AKR1C1: variants seen among roughly 807,000 people sequenced by gnomAD.
AKR1C1 encodes 20 alpha-hydroxysteroid dehydrogenase.
A neutral mutation model predicts 40.6 loss-of-function variants in AKR1C1; 32 were observed. The observed-to-expected ratio is 0.79, with a 90% CI of 0.60 to 1.06. The LOEUF (loss-of-function observed/expected upper bound fraction) is 1.06, where lower values mean the gene tolerates loss of function less well. AKR1C1 is among the 50% of genes least tolerant of loss of function. The pLI, the probability that AKR1C1 is intolerant of heterozygous loss-of-function variation, is 0.00. For missense variants in AKR1C1, 320 were observed against 363.5 expected (o/e 0.88, Z 0.97); for synonymous variants, 105 against 134.2 (o/e 0.78, Z 1.50).
At chr10:4,977,199 AAAC>A (rs1348533780) in intron 8 of AKR1C1, among the ~76,000 whole-genome samples, 1 of 152,260 alleles carries the variant, frequency 6.6e-6, no homozygotes, top group Non-Finnish European at 1.5e-5. Flanking sequence ...CCTATATCAA[AAAC>A]AACAATTTAC....
rs1836609796 is a variant in AKR1C1 at position 4,981,220 on chromosome 10, T to C, written c.*3478T>C. 1 of 152,244 alleles carries C rather than the reference T, an allele frequency of 6.6e-6. No individual in the cohort carries two copies. Among genetic ancestry groups the C allele is most frequent in the African/African-American group, 2.4e-5 (1 of 41,470 alleles). 9.4% of individuals were successfully genotyped at this position (152,244 alleles called of 1,614,324 possible). A position where few individuals can be genotyped will look rare whatever the true frequency, so the allele number is the denominator to read the frequency against. On this transcript the variant is annotated 3_prime_UTR_variant, in exon 9 of 9. Transcript: ENST00000380872. ...TATCTAGGCTTTCTTGCTTTATTTA[T>C]AGAACACTTACAGAGTAGATATAGA... is the stretch of plus-strand genomic sequence containing the variant.
rs1280574290 is a variant in AKR1C1 at position 4,983,249 on chromosome 10, T to C, written c.*5507T>C. 1 of 176,282 alleles carries C rather than the reference T, an allele frequency of 5.7e-6. No homozygotes were observed. Among genetic ancestry groups the C allele is most frequent in the Admixed American group, 6.3e-5 (1 of 15,850 alleles). The allele number at this position is 176,282 out of a possible 1,614,324, so 10.9% of individuals were successfully genotyped here. A position where few individuals can be genotyped will look rare whatever the true frequency, so the allele number is the denominator to read the frequency against. On this transcript the variant is annotated 3_prime_UTR_variant, in exon 9 of 9. Transcript: ENST00000380872. Reference sequence around the variant, plus strand: ...GGAGCCCAGGCCAATTTTCTAAACATGGAATATGAGTTAAATAAATGGCTT... The same window carrying C: ...GGAGCCCAGGCCAATTTTCTAAACACGGAATATGAGTTAAATAAATGGCTT...
At position 4,983,167 on chromosome 10, in the gene AKR1C1, G is replaced by A. The variant is rs1307512527; in HGVS notation, c.*5425G>A. On this transcript the variant is annotated 3_prime_UTR_variant, in exon 9 of 9. Transcript: ENST00000380872. The stretch of plus-strand genomic sequence containing the variant: ...CATCCTGAAGCAGAGCTGCCTCACT[G>A]CCCTGCACACACATGAGAGCGCAGC... The A allele has an allele frequency of 8.7e-6, 2 of 230,974 alleles. No individual in the cohort carries two copies. The highest frequency in any genetic ancestry group is 4.7e-5 in the African/African-American group (2 of 42,808). The allele number at this position is 230,974 out of a possible 1,614,324, so 14.3% of individuals were successfully genotyped here. A position where few individuals can be genotyped will look rare whatever the true frequency, so the allele number is the denominator to read the frequency against.
chr10:4,972,133 C>T (rs1429688546), intron 5 of AKR1C1, 68 bp from the exon 6 acceptor site: 5 of 1,599,876 alleles, frequency 3.1e-6, no homozygotes, highest in South Asian at 2.2e-5. Flanking sequence ...GCTTCTTTTA[C>T]TTTGGTGATT....
intron 2 of AKR1C1, among the ~76,000 whole-genome samples, chr10:4,966,301 T>C (rs1476552105): frequency 2.0e-5 from 3 of 152,234 alleles, no homozygotes; most frequent in Non-Finnish European, 2.9e-5. Context: ...TGCCTTTACT[T>C]TTTGAGCTCA....
At chr10:4,969,736 A>T (rs932563878) in intron 5 of AKR1C1, 1 of 1,611,782 alleles carries the variant, frequency 6.2e-7, no homozygotes, top group Non-Finnish European at 8.5e-7. Flanking sequence ...TCCTTGATCA[A>T]ATTGACTGTC....
chr10:4,972,139 T>A, intron 5 of AKR1C1, 62 bp from the exon 6 acceptor site: 1 of 1,605,492 alleles, frequency 6.2e-7, no homozygotes, highest in Non-Finnish European at 8.5e-7. Flanking sequence ...TTTACTTTGG[T>A]GATTTTAATA....
Position 4,981,828 on chromosome 10 carries a change from C to G in AKR1C1, c.*4086C>G, listed in dbSNP as rs1836620875. The G allele has an allele frequency of 6.6e-6, 1 of 152,244 alleles. No homozygotes were observed. The highest frequency in any genetic ancestry group is 1.5e-5 in the Non-Finnish European group (1 of 68,096). 9.4% of individuals were successfully genotyped at this position (152,244 alleles called of 1,614,324 possible). On this transcript the variant is annotated 3_prime_UTR_variant, in exon 9 of 9. Coordinates refer to ENST00000380872, the MANE Select transcript of AKR1C1 (RefSeq NM_001353.6). Reference sequence around the variant, plus strand: ...AGATATGAGCACAGAAGCTGGGTGTCCAGCCTTGTGGGCAGACCGGGAGGG... The same window carrying G: ...AGATATGAGCACAGAAGCTGGGTGTGCAGCCTTGTGGGCAGACCGGGAGGG...
chr10:4,976,646 C>T (rs1554770478), intron 8 of AKR1C1, among the ~76,000 whole-genome samples: 1 of 152,014 alleles, frequency 6.6e-6, no homozygotes, highest in East Asian at 1.9e-4. Context: ...TAATTTATAA[C>T]CAATAACAGA....
At chr10:4,964,498 T>C (rs555641423) in intron 1 of AKR1C1, among the ~76,000 whole-genome samples, 1 of 152,340 alleles carries the variant, frequency 6.6e-6, no homozygotes, top group South Asian at 2.1e-4. Flanking sequence ...AGGAGAGGGC[T>C]GTGAGACCCA....
chr10:4,977,425 G>C (rs570207191), intron 8 of AKR1C1, among the ~76,000 whole-genome samples: 4 of 152,082 alleles, frequency 2.6e-5, no homozygotes, highest in South Asian at 2.1e-4. Flanking sequence ...TCTTTGCTCT[G>C]TTGACAGATG....
In AKR1C1 at chr10:4,967,687, A is replaced by T. The variant is rs2023630; in HGVS notation, c.370-622A>T. 6 of 584,916 alleles carry T rather than the reference A, an allele frequency of 1.0e-5. No homozygotes were observed. The African/African-American group carries it at 1.2e-4, about 12-fold the overall frequency. The allele number at this position is 584,916 out of a possible 1,614,324, so 36.2% of individuals were successfully genotyped here. On this transcript the variant is annotated intron_variant, in intron 3 of 8. Coordinates refer to ENST00000380872, the MANE Select transcript of AKR1C1 (RefSeq NM_001353.6). ...GGGCTACATTAAGAATTTGATAAAAACTCTAAAAATATATCCTTTCTCCAC... is the reference window on the plus strand; with the variant it reads ...GGGCTACATTAAGAATTTGATAAAATCTCTAAAAATATATCCTTTCTCCAC...
chr10:4,970,861 G>A (rs1352055266), intron 5 of AKR1C1, among the ~76,000 whole-genome samples: 4 of 151,502 alleles, frequency 2.6e-5, no homozygotes, highest in Non-Finnish European at 5.9e-5. Context: ...CCTAATGCTA[G>A]ATGACGAGTT....
rs549652395 is a variant in AKR1C1, at chr10:4,968,997, C to A, written c.570+53C>A. The A allele has an allele frequency of 3.1e-6, 5 of 1,613,042 alleles. No homozygotes were observed. In the South Asian group the frequency reaches 5.5e-5, roughly 18 times the overall value. ...CTGTTCTTCATGCCCCTCTTTCTGT[C>A]CTATTGCCAAGTATCCATTCATTTA... On this transcript the variant is annotated intron_variant, in intron 5 of 8. Coordinates refer to ENST00000380872, the MANE Select transcript of AKR1C1 (RefSeq NM_001353.6).
rs1422582875 is a variant in AKR1C1, at chr10:4,968,864, G to A, written c.490G>A (p.Gly164Arg). ...AGATGCAGGATTGGCCAAGTCCATC[G>A]GGGTGTCCAACTTCAACCGCAGGCA... ...CKDAGLAKSI[G>R]VSNFNRRQLE... Residue 164 changes from glycine to arginine, a missense_variant, in exon 5 of 9, where the codon GGG (glycine) becomes AGG (arginine). Physicochemically the swap from Gly to Arg is moderately radical, Grantham distance 125. Coordinates refer to ENST00000380872, the MANE Select transcript of AKR1C1 (RefSeq NM_001353.6). 7.4e-6 allele frequency: 12 copies of A among 1,614,122 alleles called. No homozygotes were observed. The highest frequency in any genetic ancestry group is 1.1e-5 in the South Asian group (1 of 91,070).
At chr10:4,971,525 A>ATT (rs1564316816) in intron 5 of AKR1C1, among the ~76,000 whole-genome samples, 1 of 52,938 alleles carries the variant, frequency 1.9e-5, no homozygotes, top group African/African-American at 9.9e-5. Context: ...ATATATATAA[A>ATT]ATATATATGA....
In AKR1C1 at chr10:4,979,304, A is replaced by T. The variant is rs1836578483; in HGVS notation, c.*1562A>T. 6.6e-6 allele frequency: 1 copy of T among 152,074 alleles called. No individual in the cohort carries two copies. Among genetic ancestry groups the T allele is most frequent in the African/African-American group, 2.4e-5 (1 of 41,400 alleles). The allele number at this position is 152,074 out of a possible 1,614,324, so 9.4% of individuals were successfully genotyped here. ...TTAAATATCACTTCTAGGCTGAAAA[A>T]TCCCCCTAAAAATATTTCTAGCTCA... On this transcript the variant is annotated 3_prime_UTR_variant, in exon 9 of 9. Coordinates refer to ENST00000380872, the MANE Select transcript of AKR1C1 (RefSeq NM_001353.6).
At chr10:4,967,438 C>T in intron 3 of AKR1C1, 1 of 1,002,132 alleles carries the variant, frequency 1.0e-6, no homozygotes, top group Non-Finnish European at 1.2e-6. Context: ...ATCTTCTTGC[C>T]TCTTTTTAAG....
At position 4,966,932 on chromosome 10, in the gene AKR1C1, G is replaced by A. The variant is rs143557246; in HGVS notation, c.258G>A (p.Trp86Ter). 2.0e-5 allele frequency: 32 copies of A among 1,612,488 alleles called. No homozygotes were observed. Among genetic ancestry groups the A allele is most frequent in the Non-Finnish European group, 2.5e-5 (30 of 1,179,386 alleles). Reference protein sequence around the residue: ...REDIFYTSKLWCNSHRPELVR... With the variant: ...REDIFYTSKL ...CCTTTCTCTAACCTCTGCAGCTTTG[G>A]TGCAATTCCCATCGACCAGAGTTGG... The change falls in exon 3 of 9, where the codon TGG (tryptophan) becomes TGA (stop). Residue 86 changes from tryptophan (W) to a stop codon, truncating the protein, a stop_gained. Transcript: ENST00000380872. LOFTEE classifies it high-confidence loss of function.
Sources: allele counts gnomAD v4.1 joint callset (sites outside exome capture counted in the v4.1 genomes callset), GRCh38; gene constraint gnomAD v4.1.1; transcripts MANE v1.5; gene names NCBI Gene and HGNC (gene_info 2026-07-23, HGNC 2026-07-21).